Variants in EYS observed in about 807,000 individuals in gnomAD.
EYS encodes EGF-like photoreceptor maintenance factor, also known as protein eyes shut homolog.
Under a neutral mutation model 282.1 loss-of-function variants are expected in EYS, and 250 were observed. The observed-to-expected ratio is 0.89, with a 90% CI of 0.80 to 0.98. The LOEUF (loss-of-function observed/expected upper bound fraction) is 0.98, where lower values mean the gene tolerates loss of function less well. Among genes scored for constraint, EYS ranks in the 50% least tolerant of loss-of-function variants. The probability of loss-of-function intolerance (pLI) is 0.00; values close to 1 mark genes in which losing one functional copy is unlikely to be tolerated. For synonymous variants in EYS, 1,355 were observed against 1,282.9 expected (o/e 1.06, Z -1.20); for missense variants, 4,016 against 3,709.0 (o/e 1.08, Z -2.15).
intron 22 of EYS, among the ~76,000 whole-genome samples, chr6:64,768,161 T>C (rs1214846351): frequency 6.6e-6 from 1 of 152,102 alleles, no homozygotes; most frequent in South Asian, 2.1e-4. Flanking sequence ...TAAACTATTC[T>C]GTTTGATTCA....
chr6:63,944,245 C>T (rs1765324679), intron 35 of EYS, among the ~76,000 whole-genome samples: 1 of 152,126 alleles, frequency 6.6e-6, no homozygotes, highest in Non-Finnish European at 1.5e-5. Context: ...AAATATAAGG[C>T]AGTGCATCTA....
intron 9 of EYS, among the ~76,000 whole-genome samples, chr6:65,350,052 C>A (rs918419474): frequency 2.0e-5 from 3 of 151,274 alleles, no homozygotes; most frequent in Admixed American, 6.6e-5. Flanking sequence ...TAAGAGAATT[C>A]TCTTTCAAGG....
rs553472837 is a variant in EYS at position 64,192,627 on chromosome 6, T to C, written c.6424+37965A>G. On this transcript the variant is annotated intron_variant, in intron 31 of 42. Transcript: ENST00000503581. ...TGGTGCTGGGAAAACTGGCTAGCCATATGTAGAAAGCTGAAACTGGAACCC... is the reference window on the plus strand; with the variant it reads ...TGGTGCTGGGAAAACTGGCTAGCCACATGTAGAAAGCTGAAACTGGAACCC... Among the ~76,000 whole-genome samples the C allele has an allele frequency of 4.6e-5, 7 of 152,266 alleles. No homozygotes were observed. The East Asian group carries it at 1.4e-3, about 29-fold the overall frequency.
intron 31 of EYS, among the ~76,000 whole-genome samples, chr6:64,142,104 A>T (rs1774356062): frequency 6.6e-6 from 1 of 152,076 alleles, no homozygotes; most frequent in Admixed American, 6.6e-5. Context: ...GGAGTCCTCG[A>T]GGTGGAGAGA....
At chr6:63,798,576 C>T (rs1011087303) in intron 37 of EYS, among the ~76,000 whole-genome samples, 2 of 152,194 alleles carry the variant, frequency 1.3e-5, no homozygotes, top group Non-Finnish European at 2.9e-5. Context: ...CCATAGCCTG[C>T]TCTCATTCAT....
intron 2 of EYS, among the ~76,000 whole-genome samples, chr6:65,550,335 A>ATTTTTTTTT (rs1232195532): frequency 1.1e-4 from 1 of 9,392 alleles, no homozygotes; most frequent in African/African-American, 1.2e-3. Context: ...GTTGTTTTTT[A>ATTTTTTTTT]TTTATTTTTT....
chr6:64,902,634 T>G, intron 16 of EYS, 134 bp from the exon 17 acceptor site: 1 of 547,678 alleles, frequency 1.8e-6, no homozygotes, highest in South Asian at 2.8e-5. Flanking sequence ...ACTCTCAAGC[T>G]TCTCATAAAA....
At chr6:63,966,836 TC>T (rs1766334124) in intron 35 of EYS, among the ~76,000 whole-genome samples, 1 of 152,122 alleles carries the variant, frequency 6.6e-6, no homozygotes, top group Admixed American at 6.6e-5. Context: ...ATTATTACCT[TC>T]CCCCTGCAAG....
At chr6:65,191,179 T>G (rs1171738891) in intron 12 of EYS, among the ~76,000 whole-genome samples, 1 of 151,880 alleles carries the variant, frequency 6.6e-6, no homozygotes, top group African/African-American at 2.4e-5. Context: ...TGATCTGTAA[T>G]TTTAGCTTCC....
intron 35 of EYS, among the ~76,000 whole-genome samples, chr6:63,865,089 G>C (rs766662448): frequency 4.6e-5 from 7 of 152,222 alleles, no homozygotes; most frequent in Non-Finnish European, 8.8e-5. Context: ...ATGTTGTCTG[G>C]GAGACACAGT....
At chr6:63,970,928 A>G (rs560033864) in intron 35 of EYS, among the ~76,000 whole-genome samples, 3 of 152,340 alleles carry the variant, frequency 2.0e-5, no homozygotes, top group South Asian at 4.1e-4. Flanking sequence ...ATTTAACTCA[A>G]TGATTAATGA....
At chr6:65,659,729 T>C (rs1448939915) in intron 1 of EYS, among the ~76,000 whole-genome samples, 1 of 151,896 alleles carries the variant, frequency 6.6e-6, no homozygotes, top group East Asian at 1.9e-4. Context: ...ACACAAACAT[T>C]AGAATTTTCA....
chr6:64,502,303 C>G (rs548265003), intron 26 of EYS, among the ~76,000 whole-genome samples: 1 of 151,984 alleles, frequency 6.6e-6, no homozygotes, highest in South Asian at 2.1e-4. Context: ...CTCAGTGGCG[C>G]GATCTCGACT....
intron 8 of EYS, among the ~76,000 whole-genome samples, chr6:65,356,018 A>G (rs1012230155): frequency 1.3e-5 from 2 of 152,096 alleles, no homozygotes; most frequent in Non-Finnish European, 2.9e-5. Flanking sequence ...TAAAAGAGAT[A>G]CCAGCACAAG....
chr6:65,575,925 G>A (rs758902269), intron 2 of EYS, among the ~76,000 whole-genome samples: 5 of 151,932 alleles, frequency 3.3e-5, no homozygotes, highest in Non-Finnish European at 5.9e-5. Context: ...ACAACAACAA[G>A]TAAAGAGATT....
intron 36 of EYS, among the ~76,000 whole-genome samples, chr6:63,833,980 A>G (rs1771724604): frequency 6.6e-6 from 1 of 152,224 alleles, no homozygotes; most frequent in Non-Finnish European, 1.5e-5. Context: ...TATTTAATAA[A>G]TGGTTCTGGG....
rs139616414 is a variant in EYS, at chr6:63,915,131, A to G, written c.7056-50773T>C. 3.6e-3 allele frequency among the ~76,000 whole-genome samples: 550 copies of G among 152,364 alleles called. 2 individuals carry two copies. The highest frequency in any genetic ancestry group is 0.012 in the African/African-American group (493 of 41,580). ...GACTTTCTAAGCTAGACAGAAGTCA[A>G]TGCCTGACTTCAAAACTTCAAAGGA... is the stretch of plus-strand genomic sequence containing the variant. On this transcript the variant is annotated intron_variant, in intron 35 of 42. Transcript: ENST00000503581.
chr6:64,616,611 C>CT (rs1260768557), intron 24 of EYS, among the ~76,000 whole-genome samples: 1 of 151,902 alleles, frequency 6.6e-6, no homozygotes, highest in African/African-American at 2.4e-5. Context: ...CTGGTTTTTC[C>CT]TTTCTGATCT....
intron 31 of EYS, among the ~76,000 whole-genome samples, chr6:64,206,229 T>C (rs991508547): frequency 1.1e-4 from 16 of 152,170 alleles, no homozygotes; most frequent in African/African-American, 3.9e-4. Flanking sequence ...ATACTAGTTA[T>C]TGGTATAATT....
Sources: gnomAD v4.1 joint callset for allele counts (sites outside exome capture counted in the v4.1 genomes callset) on GRCh38, gnomAD v4.1.1 for gene constraint, MANE v1.5 for transcripts, NCBI Gene and HGNC (gene_info 2026-07-23, HGNC 2026-07-21) for gene names.